MALRD1: variants seen among roughly 807,000 people sequenced by gnomAD.
MALRD1 encodes MAM and LDL-receptor class A domain-containing protein 1.
Under a neutral mutation model 242.1 loss-of-function variants are expected in MALRD1, and 247 were observed. The ratio of observed to expected loss-of-function variants is 1.02; its 90% CI spans 0.92 to 1.13. The LOEUF is 1.13. Ranked by LOEUF, MALRD1 falls within the 50% of genes most tolerant of loss-of-function variation. The probability of loss-of-function intolerance (pLI) is 0.00; values close to 1 mark genes in which losing one functional copy is unlikely to be tolerated. For synonymous variants in MALRD1, 995 were observed against 866.6 expected, an observed-to-expected ratio of 1.15 and a Z score of -2.60; for missense variants, 2,989 against 2,533.1, an observed-to-expected ratio of 1.18 and a Z score of -3.86.
At chr10:19,063,586 T>G (rs1473995090) in intron 1 of MALRD1, among the ~76,000 whole-genome samples, 2 of 152,012 alleles carry the variant, frequency 1.3e-5, no homozygotes, top group African/African-American at 2.4e-5. Flanking sequence ...GATTTCCAAT[T>G]TCATCCATGT....
chr10:19,670,075 CACACACACACACACACAA>C (rs1374568263), intron 36 of MALRD1, among the ~76,000 whole-genome samples: 2 of 151,658 alleles, frequency 1.3e-5, no homozygotes, highest in Non-Finnish European at 2.9e-5. Context: ...TGCACACACA[CACACACACACACACACAA>C]ACACACACAC....
At chr10:19,491,469 A>G (rs769890790) in intron 29 of MALRD1, 48 bp from the exon 30 acceptor site, 4 of 1,536,022 alleles carry the variant, frequency 2.6e-6, no homozygotes, top group Non-Finnish European at 3.5e-6. Context: ...TTCAAGTCTA[A>G]TGAAAATATT....
intron 28 of MALRD1, among the ~76,000 whole-genome samples, chr10:19,405,390 G>A (rs1461210785): frequency 6.6e-6 from 1 of 152,060 alleles, no homozygotes; most frequent in African/African-American, 2.4e-5. Flanking sequence ...TCTCAGCATT[G>A]TGTACTTTTC....
intron 18 of MALRD1, among the ~76,000 whole-genome samples, chr10:19,226,017 A>G (rs999115029): frequency 1.1e-4 from 17 of 152,146 alleles, no homozygotes; most frequent in African/African-American, 3.6e-4. Context: ...TTTTACGTGG[A>G]TTCTCTCAAT....
intron 23 of MALRD1, among the ~76,000 whole-genome samples, chr10:19,330,894 C>G (rs1843332582): frequency 6.6e-6 from 1 of 151,862 alleles, no homozygotes; most frequent in African/African-American, 2.4e-5. Context: ...GAGGACTTAT[C>G]TTTTAGCTTT....
chr10:19,625,443 A>G (rs1839610429), intron 36 of MALRD1, among the ~76,000 whole-genome samples: 1 of 152,076 alleles, frequency 6.6e-6, no homozygotes. Flanking sequence ...CTTCCCAGTT[A>G]ATGTAGAATA....
intron 28 of MALRD1, among the ~76,000 whole-genome samples, chr10:19,398,250 A>G (rs1205779415): frequency 8.5e-5 from 13 of 152,138 alleles, no homozygotes; most frequent in Admixed American, 8.5e-4. Context: ...TTCTGATGTC[A>G]TGAAGCATTT....
intron 11 of MALRD1, among the ~76,000 whole-genome samples, chr10:19,151,961 C>T (rs1588619481): frequency 6.6e-6 from 1 of 152,170 alleles, no homozygotes; most frequent in Middle Eastern, 3.4e-3. Context: ...TGGCCTCTAA[C>T]GTTCCTAAGA....
chr10:19,732,787 A>G (rs1835349477), intron 39 of MALRD1, among the ~76,000 whole-genome samples: 1 of 151,918 alleles, frequency 6.6e-6, no homozygotes, highest in Non-Finnish European at 1.5e-5. Flanking sequence ...CAGCAAGTAC[A>G]GGAAGGGGCC....
rs1311207439 is a variant in MALRD1, at chr10:19,050,309, G to T, written c.199+1172G>T. Among the ~76,000 whole-genome samples the T allele has an allele frequency of 8.6e-4, 130 of 150,478 alleles. 2 individuals carry two copies. Among genetic ancestry groups the T allele is most frequent in the Non-Finnish European group, 2.5e-4 (17 of 67,612 alleles). ...TCACCGTTTTAGCCGGGATGGTCTCGATCTCCTGACCTCGTGATCCGCCCG... is the reference window on the plus strand; with the variant it reads ...TCACCGTTTTAGCCGGGATGGTCTCTATCTCCTGACCTCGTGATCCGCCCG... On this transcript the variant is annotated intron_variant, in intron 1 of 39. Coordinates refer to ENST00000454679, the MANE Select transcript of MALRD1 (RefSeq NM_001142308.3).
chr10:19,114,020 G>A (rs1013554789), intron 5 of MALRD1, among the ~76,000 whole-genome samples: 1 of 152,120 alleles, frequency 6.6e-6, no homozygotes, highest in East Asian at 1.9e-4. Context: ...AAATATTTGA[G>A]ATTTTGGATT....
chr10:19,353,817 A>C (rs1458134623), intron 26 of MALRD1, among the ~76,000 whole-genome samples: 5 of 152,184 alleles, frequency 3.3e-5, no homozygotes, highest in African/African-American at 1.2e-4. Flanking sequence ...ATCGTAATAA[A>C]AAATAATCTT....
intron 38 of MALRD1, among the ~76,000 whole-genome samples, chr10:19,694,539 G>T (rs1289871543): frequency 6.6e-6 from 1 of 152,180 alleles, no homozygotes; most frequent in South Asian, 2.1e-4. Context: ...TCTCACACCA[G>T]TTAGAATGGC....
chr10:19,559,931 C>T (rs182911211), intron 32 of MALRD1, among the ~76,000 whole-genome samples: 2 of 152,180 alleles, frequency 1.3e-5, no homozygotes, highest in East Asian at 3.9e-4. Context: ...AAATCAAAAC[C>T]ACAATTATAT....
intron 21 of MALRD1, 147 bp from the exon 22 acceptor site, chr10:19,323,802 T>A: frequency 1.6e-6 from 1 of 635,580 alleles, no homozygotes; most frequent in Non-Finnish European, 2.7e-6. Flanking sequence ...GTAGAGACGG[T>A]GTTTCATCAT....
intron 33 of MALRD1, among the ~76,000 whole-genome samples, chr10:19,586,798 G>A (rs7068670): frequency 0.52 from 78,557 of 152,092 alleles, 20,422 homozygotes; most frequent in African/African-American, 0.56. Flanking sequence ...AGCAAGCCTG[G>A]GCAATGGCAG....
At chr10:19,309,159 T>C (rs985356899) in intron 21 of MALRD1, among the ~76,000 whole-genome samples, 1 of 151,540 alleles carries the variant, frequency 6.6e-6, no homozygotes, top group African/African-American at 2.4e-5. Context: ...CCTGTTGAAT[T>C]CAGTGGAGAT....
At chr10:19,606,438 G>T (rs1182875986) in intron 34 of MALRD1, among the ~76,000 whole-genome samples, 1 of 152,164 alleles carries the variant, frequency 6.6e-6, no homozygotes, top group African/African-American at 2.4e-5. Flanking sequence ...TTAAGTGCAA[G>T]ACAGTTCTGA....
chr10:19,595,582 C>T (rs1838053854), intron 34 of MALRD1, 125 bp downstream of exon 34: 5 of 1,126,742 alleles, frequency 4.4e-6, no homozygotes, highest in Non-Finnish European at 6.1e-6. Context: ...AATAACACAG[C>T]TTTCAGTGTT....
Sources: gnomAD v4.1 joint callset for allele counts (sites outside exome capture counted in the v4.1 genomes callset) on GRCh38, gnomAD v4.1.1 for gene constraint, MANE v1.5 for transcripts, NCBI Gene and HGNC (gene_info 2026-07-23, HGNC 2026-07-21) for gene names.